The following BPNT2 variants were observed in gnomAD, a reference collection of about 807,000 sequenced individuals.
BPNT2 encodes the protein 3'(2'), 5'-bisphosphate nucleotidase 2.
BPNT2 carries 11 observed loss-of-function variants against 29.3 expected under a neutral mutation model. That is an observed-to-expected ratio of 0.38 (90% confidence interval 0.24 to 0.62). The LOEUF (loss-of-function observed/expected upper bound fraction) is 0.62. Among genes scored for constraint, BPNT2 ranks in the 20% least tolerant of loss-of-function variants. The pLI is 0.62. For missense variants in BPNT2, 459 were observed against 473.4 expected, an observed-to-expected ratio of 0.97 and a Z score of 0.28; for synonymous variants, 195 against 187.7, an observed-to-expected ratio of 1.04 and a Z score of -0.32.
At position 56,978,129 on chromosome 8, in the gene BPNT2, G is replaced by A. The variant is rs144109066; in HGVS notation, c.567C>T (p.Tyr189=). ...TQEYTEDLRK[Y]VTTMVCVAVN... is the part of the protein sequence containing the mutation. ...CAGCCACACACACCATAGTAGTGAC[G>A]TACTTTCGAAGATCCTCTATGAGAA... is the stretch of plus-strand genomic sequence containing the variant. The change falls in exon 3 of 5, where the codon TAC becomes TAT. Residue 189 remains tyrosine (Y), a synonymous_variant. Coordinates refer to ENST00000262644, the MANE Select transcript of BPNT2 (RefSeq NM_017813.5). 974 of 1,607,986 alleles carry A rather than the reference G, an allele frequency of 6.1e-4. 8 individuals are homozygous for A. The African/African-American group carries it at 0.011, about 18-fold the overall frequency.
intron 1 of BPNT2, among the ~76,000 whole-genome samples, chr8:56,983,425 G>A (rs935235137): frequency 1.1e-4 from 16 of 152,108 alleles, no homozygotes; most frequent in African/African-American, 3.9e-4. Flanking sequence ...AGGGCAGCAA[G>A]GAGGCCAGCA....
At chr8:56,969,256 A>T (rs1805995495) in intron 3 of BPNT2, among the ~76,000 whole-genome samples, 1 of 152,372 alleles carries the variant, frequency 6.6e-6, no homozygotes, top group Non-Finnish European at 1.5e-5. Flanking sequence ...CAAAGACTGT[A>T]TAACTAGCCA....
At chr8:56,964,509 G>A (rs1312504086) in intron 4 of BPNT2, 1 of 161,716 alleles carries the variant, frequency 6.2e-6, no homozygotes, top group Non-Finnish European at 1.3e-5. Flanking sequence ...CTCCGTGTTG[G>A]TCATGCTGGT....
At chr8:56,978,229 T>C in intron 2 of BPNT2, 84 bp from the exon 3 acceptor site, 4 of 885,974 alleles carry the variant, frequency 4.5e-6, no homozygotes, top group East Asian at 2.4e-5. Context: ...CTTTAGTTCA[T>C]TAAAAAATTT....
chr8:56,979,445 T>A (rs1247313407), intron 2 of BPNT2, among the ~76,000 whole-genome samples: 1 of 152,206 alleles, frequency 6.6e-6, no homozygotes, highest in African/African-American at 2.4e-5. Flanking sequence ...TAGTTACTAT[T>A]AGATATATAC....
At chr8:56,971,462 T>C (rs1806029503) in intron 3 of BPNT2, among the ~76,000 whole-genome samples, 1 of 152,158 alleles carries the variant, frequency 6.6e-6, no homozygotes, top group Non-Finnish European at 1.5e-5. Context: ...TCAATAAATA[T>C]TTTGGTAAGC....
rs1805894017 is a variant in BPNT2, at chr8:56,963,994, C to G, written c.879G>C (p.Val293=). Residue 293 remains valine (V), a synonymous_variant, in exon 5 of 5, where the codon GTG becomes GTC. Coordinates refer to ENST00000262644, the MANE Select transcript of BPNT2 (RefSeq NM_017813.5). ...ATATATCCCACTTTTTGATGTATGT[C>G]ACATGGATGTATAAATCAGCTTTTT... ...SQEKADLYIH[V]TYIKKWDICA... is the part of the protein sequence containing the mutation. 6.2e-7 allele frequency: 1 copy of G among 1,611,942 alleles called. No individual in the cohort carries two copies. Among genetic ancestry groups the G allele is most frequent in the Non-Finnish European group, 8.5e-7 (1 of 1,178,602 alleles).
Position 56,993,535 on chromosome 8 carries a change from G to A in BPNT2, c.51C>T (p.Cys17=). The A allele has an allele frequency of 6.7e-7, 1 of 1,492,566 alleles. No homozygotes were observed. The highest frequency in any genetic ancestry group is 2.9e-5 in the East Asian group (1 of 34,924). 92.5% of individuals were successfully genotyped at this position (1,492,566 alleles called of 1,614,324 possible). A position where few individuals can be genotyped will look rare whatever the true frequency, so the allele number is the denominator to read the frequency against. Residue 17 remains cysteine, a synonymous_variant, in exon 1 of 5, where the codon TGC becomes TGT. Coordinates refer to ENST00000262644, the MANE Select transcript of BPNT2 (RefSeq NM_017813.5). ...GGTAGAGCACGCCGAGCCCCAGCAG[G>A]CAAAACACTGCCACCCCCAGTGGGG... The part of the protein sequence containing the change: ...RLSPLGVAVF[C]LLGLGVLYHL...
Position 56,963,675 on chromosome 8 carries a change from C to CT in BPNT2, c.*117dup. ...ATAAGTCTCTGATGCTTCATAAATACTTTAAAAAGTTCGGGATGGCCTTAA... is the reference window on the plus strand; with the variant it reads ...ATAAGTCTCTGATGCTTCATAAATACTTTTAAAAAGTTCGGGATGGCCTTAA... On this transcript the variant is annotated 3_prime_UTR_variant, in exon 5 of 5. Coordinates refer to ENST00000262644, the MANE Select transcript of BPNT2 (RefSeq NM_017813.5). The CT allele has an allele frequency of 8.7e-7, 1 of 1,154,594 alleles. No homozygotes were observed. The highest frequency in any genetic ancestry group is 1.3e-6 in the Non-Finnish European group (1 of 781,268). 71.5% of individuals were successfully genotyped at this position (1,154,594 alleles called of 1,614,324 possible).
At position 56,993,822 on chromosome 8, in the gene BPNT2, G is replaced by T; in HGVS notation, c.-237C>A. 2.7e-6 allele frequency: 1 copy of T among 364,400 alleles called. No homozygotes were observed. The highest frequency in any genetic ancestry group is 3.8e-6 in the Non-Finnish European group (1 of 260,734). 22.6% of individuals were successfully genotyped at this position (364,400 alleles called of 1,614,324 possible). A position where few individuals can be genotyped will look rare whatever the true frequency, so the allele number is the denominator to read the frequency against. On this transcript the variant is annotated 5_prime_UTR_variant, in exon 1 of 5. Transcript: ENST00000262644. ...CAGGCAGCGCGCTCTAGGTTCTTCC[G>T]CCGGCCGGCTGGTCCGACTTCCACG... is the stretch of plus-strand genomic sequence containing the variant.
rs1378234409 is a variant in BPNT2 at position 56,965,996 on chromosome 8, CTTCT to C, written c.808+191_808+194del. ...AAGAGAAACCACTGTTGTGAGACTG[CTTCT>C]TTCTAATAAGAAGGGCAGAGTGACT... On this transcript the variant is annotated intron_variant, in intron 4 of 4. Transcript: ENST00000262644. Among the ~76,000 whole-genome samples the C allele has an allele frequency of 2.0e-5, 3 of 152,178 alleles. No homozygotes were observed. The East Asian group carries it at 5.8e-4, about 29-fold the overall frequency.
rs1361223500 is a variant in BPNT2, at chr8:56,958,316, TAA to T, written c.*5475_*5476del. 1 of 152,154 alleles carries T rather than the reference TAA, an allele frequency of 6.6e-6. No homozygotes were observed. Among genetic ancestry groups the T allele is most frequent in the African/African-American group, 2.4e-5 (1 of 41,420 alleles). The allele number at this position is 152,154 out of a possible 1,614,324, so 9.4% of individuals were successfully genotyped here. A position where few individuals can be genotyped will look rare whatever the true frequency, so the allele number is the denominator to read the frequency against. The stretch of plus-strand genomic sequence containing the variant: ...GATGCAATCCCTCTCAAGAACTGTA[TAA>T]TCTAGTAAGAGCACATACAGAGATG... On this transcript the variant is annotated 3_prime_UTR_variant, in exon 5 of 5. Transcript: ENST00000262644.
In BPNT2 at chr8:56,958,169, G is replaced by A. The variant is rs1291880374; in HGVS notation, c.*5624C>T. The A allele has an allele frequency of 6.6e-6, 1 of 152,048 alleles. No individual in the cohort carries two copies. The highest frequency in any genetic ancestry group is 1.5e-5 in the Non-Finnish European group (1 of 68,022). 9.4% of individuals were successfully genotyped at this position (152,048 alleles called of 1,614,324 possible). On this transcript the variant is annotated 3_prime_UTR_variant, in exon 5 of 5. Coordinates refer to ENST00000262644, the MANE Select transcript of BPNT2 (RefSeq NM_017813.5). Reference sequence around the variant, plus strand: ...CAAACAACCAGCTTATACAACCAAGGCACAAAATATGCTAATGCTAATAAT... The same window carrying A: ...CAAACAACCAGCTTATACAACCAAGACACAAAATATGCTAATGCTAATAAT...
At chr8:56,984,260 CAGG>C (rs1806292662) in intron 1 of BPNT2, among the ~76,000 whole-genome samples, 1 of 152,176 alleles carries the variant, frequency 6.6e-6, no homozygotes. Context: ...GGAGAAACAG[CAGG>C]AGAACAAGAA....
intron 1 of BPNT2, among the ~76,000 whole-genome samples, chr8:56,985,363 T>C (rs1806311725): frequency 1.3e-5 from 2 of 152,044 alleles, no homozygotes; most frequent in Non-Finnish European, 2.9e-5. Context: ...TCCTTCCTCA[T>C]CCTTACTACC....
At chr8:56,966,067 G>T (rs183021246) in intron 4 of BPNT2, 124 bp downstream of exon 4, 13 of 1,041,546 alleles carry the variant, frequency 1.2e-5, no homozygotes, top group East Asian at 7.5e-5. Flanking sequence ...GACCAAGCCT[G>T]TCTTGAAAGT....
chr8:56,984,531 A>G (rs1806297727), intron 1 of BPNT2, among the ~76,000 whole-genome samples: 1 of 152,200 alleles, frequency 6.6e-6, no homozygotes, highest in South Asian at 2.1e-4. Context: ...AGTTTAGGCC[A>G]CCATCTCTCA....
Position 56,959,110 on chromosome 8 carries a change from T to C in BPNT2, c.*4683A>G, listed in dbSNP as rs1374397782. ...AATAACACAGTTTATGCTTTTTCAATTTCCACAAATTGTTAATTATGATAC... is the reference window on the plus strand; with the variant it reads ...AATAACACAGTTTATGCTTTTTCAACTTCCACAAATTGTTAATTATGATAC... On this transcript the variant is annotated 3_prime_UTR_variant, in exon 5 of 5. Transcript: ENST00000262644. 6.6e-6 allele frequency: 1 copy of C among 152,234 alleles called. No individual in the cohort carries two copies. Among genetic ancestry groups the C allele is most frequent in the Non-Finnish European group, 1.5e-5 (1 of 68,038 alleles). 9.4% of individuals were successfully genotyped at this position (152,234 alleles called of 1,614,324 possible). A position where few individuals can be genotyped will look rare whatever the true frequency, so the allele number is the denominator to read the frequency against.
chr8:56,973,838 A>C (rs1806078031), intron 3 of BPNT2, among the ~76,000 whole-genome samples: 1 of 152,270 alleles, frequency 6.6e-6, no homozygotes, highest in African/African-American at 2.4e-5. Context: ...AACTAAAGCA[A>C]ATAAGGAAGG....
Sources: allele counts gnomAD v4.1 joint callset (sites outside exome capture counted in the v4.1 genomes callset), GRCh38; gene constraint gnomAD v4.1.1; transcripts MANE v1.5; gene names NCBI Gene and HGNC (gene_info 2026-07-23, HGNC 2026-07-21).